HDAC9: variants seen among roughly 807,000 people sequenced by gnomAD.
HDAC9 encodes histone deacetylase 9.
Under a neutral mutation model 139.4 loss-of-function variants are expected in HDAC9, and 41 were observed. The observed-to-expected ratio is 0.29, with a 90% CI of 0.23 to 0.38. The LOEUF (loss-of-function observed/expected upper bound fraction) is 0.38. HDAC9 is among the 10% of genes least tolerant of loss of function. HDAC9 has a pLI of 1.00. For synonymous variants in HDAC9, 517 were observed against 476.2 expected, an observed-to-expected ratio of 1.09 and a Z score of -1.12; for missense variants, 1,147 against 1,297.0, an observed-to-expected ratio of 0.88 and a Z score of 1.78.
At chr7:18,709,749 T>G (rs1455058959) in intron 12 of HDAC9, among the ~76,000 whole-genome samples, 1 of 152,168 alleles carries the variant, frequency 6.6e-6, no homozygotes, top group African/African-American at 2.4e-5. Flanking sequence ...GCACCTTTCT[T>G]GCCCTGTGTT....
At chr7:18,537,818 C>T (rs192123579) in intron 2 of HDAC9, among the ~76,000 whole-genome samples, 6 of 152,304 alleles carry the variant, frequency 3.9e-5, no homozygotes, top group Non-Finnish European at 5.9e-5. Context: ...TGGCCACAGA[C>T]ATTGAAAATC....
At chr7:18,887,973 C>A (rs1356978478) in intron 22 of HDAC9, among the ~76,000 whole-genome samples, 1 of 152,178 alleles carries the variant, frequency 6.6e-6, no homozygotes, top group Non-Finnish European at 1.5e-5. Flanking sequence ...ATTTAGCCAC[C>A]TTTACCCAAT....
At chr7:18,405,879 C>T (rs1261707453) in intron 1 of HDAC9, among the ~76,000 whole-genome samples, 1 of 152,168 alleles carries the variant, frequency 6.6e-6, no homozygotes, top group Admixed American at 6.5e-5. Context: ...GCTTAGTTGC[C>T]TGTGGTTTCT....
At chr7:18,154,088 C>A (rs1397772502) in intron 1 of HDAC9, among the ~76,000 whole-genome samples, 2 of 152,152 alleles carry the variant, frequency 1.3e-5, no homozygotes, top group Non-Finnish European at 2.9e-5. Context: ...TATACAATAT[C>A]CGGGGAATAG....
intron 17 of HDAC9, among the ~76,000 whole-genome samples, chr7:18,826,950 T>C (rs1269372804): frequency 6.6e-6 from 1 of 151,952 alleles, no homozygotes; most frequent in Non-Finnish European, 1.5e-5. Context: ...TATAAAACTA[T>C]TGGAAAAATA....
chr7:18,990,415 C>G (rs921741776), intron 25 of HDAC9, among the ~76,000 whole-genome samples: 7 of 152,240 alleles, frequency 4.6e-5, no homozygotes, highest in Non-Finnish European at 4.4e-5. Context: ...TTTCAGATCT[C>G]CAGCTGCGTG....
chr7:18,152,179 G>A (rs906892474), intron 1 of HDAC9, among the ~76,000 whole-genome samples: 1 of 151,918 alleles, frequency 6.6e-6, no homozygotes, highest in Non-Finnish European at 1.5e-5. Context: ...TAACACAGAG[G>A]CCCTGAATGT....
rs745962690 is a variant in HDAC9 at position 18,954,197 on chromosome 7, G to A, written c.2989G>A (p.Val997Ile). Residue 997 changes from valine (V) to isoleucine (I), a missense_variant, in exon 24 of 26, where the codon GTT becomes ATT. This residue lies in a region of HDAC9 where 407 missense variants were observed against 521.5 expected (regional missense o/e 0.78). Transcript: ENST00000686413. ...CCACCAAAGCCCGAATATGAATGCT[G>A]TTATTTCTTTACAGAAGATCATTGA... ...ILHQSPNMNA[V>I]ISLQKIIEIQ... 10 of 1,563,684 alleles carry A rather than the reference G, an allele frequency of 6.4e-6. No homozygotes were observed. The highest frequency in any genetic ancestry group is 8.7e-6 in the Non-Finnish European group (10 of 1,145,520).
chr7:18,517,402 A>C (rs2128205791), intron 2 of HDAC9, among the ~76,000 whole-genome samples: 1 of 152,312 alleles, frequency 6.6e-6, no homozygotes, highest in African/African-American at 2.4e-5. Flanking sequence ...CCTGGTAAGA[A>C]CTGAATACCA....
chr7:18,764,430 C>T (rs927099042), intron 15 of HDAC9, among the ~76,000 whole-genome samples: 1 of 152,054 alleles, frequency 6.6e-6, no homozygotes, highest in South Asian at 2.1e-4. Flanking sequence ...TTCTATCAGG[C>T]CTTAAGGTCG....
intron 2 of HDAC9, among the ~76,000 whole-genome samples, chr7:18,246,306 G>A (rs1223110294): frequency 6.6e-6 from 1 of 151,240 alleles, no homozygotes; most frequent in East Asian, 1.9e-4. Flanking sequence ...CTGGGCAGAG[G>A]AAACAGCTAC....
chr7:18,646,265 T>C (rs1787373043), intron 9 of HDAC9, among the ~76,000 whole-genome samples: 1 of 152,170 alleles, frequency 6.6e-6, no homozygotes. Context: ...CTCCTCTCAA[T>C]AACTCACACA....
At position 19,001,099 on chromosome 7, in the gene HDAC9, TG is replaced by T. The variant is rs1786725651; in HGVS notation, c.*5038del. ...TTTACTAATGCAGAATTATTCTTTT[TG>T]TTTCAAACATAGTTTGCCATCATCT... On this transcript the variant is annotated 3_prime_UTR_variant, in exon 26 of 26. Coordinates refer to ENST00000686413, the MANE Select transcript of HDAC9 (RefSeq NM_178425.4). The T allele has an allele frequency of 6.6e-6, 1 of 152,220 alleles. No homozygotes were observed. Among genetic ancestry groups the T allele is most frequent in the South Asian group, 2.1e-4 (1 of 4,836 alleles). 9.4% of individuals were successfully genotyped at this position (152,220 alleles called of 1,614,324 possible). A position where few individuals can be genotyped will look rare whatever the true frequency, so the allele number is the denominator to read the frequency against.
chr7:18,202,294 T>TGAAAACAAAGGGAAGA (rs1791189895), intron 2 of HDAC9, among the ~76,000 whole-genome samples: 1 of 152,218 alleles, frequency 6.6e-6, no homozygotes, highest in Non-Finnish European at 1.5e-5. Context: ...TTCCAATGTT[T>TGAAAACAAAGGGAAGA]ATCTCTTTTT....
chr7:18,587,990 TTCCTTC>T (rs1829927792), intron 3 of HDAC9, among the ~76,000 whole-genome samples: 1 of 152,184 alleles, frequency 6.6e-6, no homozygotes, highest in Non-Finnish European at 1.5e-5. Flanking sequence ...AATTTAAGCA[TTCCTTC>T]TGCTACCATG....
chr7:18,577,537 C>T (rs551687955), intron 2 of HDAC9, among the ~76,000 whole-genome samples: 4 of 152,298 alleles, frequency 2.6e-5, no homozygotes, highest in South Asian at 2.1e-4. Context: ...ATGCCTTTCT[C>T]CTATTCTCAG....
chr7:18,979,308 C>G (rs1358612799), intron 25 of HDAC9, among the ~76,000 whole-genome samples: 3 of 152,040 alleles, frequency 2.0e-5, no homozygotes, highest in Non-Finnish European at 4.4e-5. Flanking sequence ...TTTCCTGAAT[C>G]TTAAGATTTA....
chr7:18,941,915 C>T (rs564744914), intron 23 of HDAC9, among the ~76,000 whole-genome samples: 2 of 151,876 alleles, frequency 1.3e-5, no homozygotes, highest in Non-Finnish European at 2.9e-5. Flanking sequence ...ATGAAGTGGA[C>T]GTTGTTTGGA....
intron 19 of HDAC9, among the ~76,000 whole-genome samples, chr7:18,832,283 C>G (rs776097664): frequency 4.6e-5 from 7 of 152,094 alleles, no homozygotes; most frequent in African/African-American, 7.2e-5. Flanking sequence ...TTCAAATGTC[C>G]TTAGATTTTG....
Sources: gnomAD v4.1 joint callset for allele counts (sites outside exome capture counted in the v4.1 genomes callset) on GRCh38, gnomAD v4.1.1 for gene constraint, gnomAD v4.1.1 regional missense constraint, MANE v1.5 for transcripts, NCBI Gene and HGNC (gene_info 2026-07-23, HGNC 2026-07-21) for gene names.